POC5: variants seen among roughly 807,000 people sequenced by gnomAD.
POC5 encodes the protein POC5 centriolar protein.
POC5 carries 48 observed loss-of-function variants against 62.9 expected under a neutral mutation model. The ratio of observed to expected loss-of-function variants is 0.76; its 90% CI spans 0.61 to 0.97. POC5 has a LOEUF of 0.97. Among genes scored for constraint, POC5 ranks in the 50% least tolerant of loss-of-function variants. The probability of loss-of-function intolerance (pLI) is 0.00; values close to 1 mark genes in which losing one functional copy is unlikely to be tolerated. For synonymous variants in POC5, 236 were observed against 228.2 expected (o/e 1.03, Z -0.31); for missense variants, 696 against 679.5 (o/e 1.02, Z -0.27).
intron 8 of POC5, chr5:75,689,650 G>C (rs774826615): frequency 2.8e-5 from 28 of 985,302 alleles, no homozygotes; most frequent in Non-Finnish European, 3.4e-5. Flanking sequence ...CAAACCTCAG[G>C]GGACTGCATT....
chr5:75,683,538 T>A (rs905232179), intron 10 of POC5, among the ~76,000 whole-genome samples: 3 of 152,080 alleles, frequency 2.0e-5, no homozygotes, highest in African/African-American at 4.8e-5. Flanking sequence ...TGGCTTTTTT[T>A]AAACTGACTA....
At chr5:75,678,164 A>G (rs1245453505) in intron 10 of POC5, among the ~76,000 whole-genome samples, 3 of 152,184 alleles carry the variant, frequency 2.0e-5, no homozygotes, top group African/African-American at 4.8e-5. Context: ...CAACGATTTT[A>G]TAAGATTTTA....
intron 10 of POC5, among the ~76,000 whole-genome samples, chr5:75,684,296 C>G (rs1372320491): frequency 2.1e-5 from 3 of 144,382 alleles, no homozygotes; most frequent in Non-Finnish European, 3.0e-5. Context: ...TGAAAACACC[C>G]AATAGTGTTC....
At chr5:75,712,729 A>G in intron 2 of POC5, 125 bp downstream of exon 2, 1 of 788,622 alleles carries the variant, frequency 1.3e-6, no homozygotes, top group East Asian at 2.7e-5. Flanking sequence ...GAAGTTTGAT[A>G]TTATTATAAA....
In POC5 at chr5:75,705,703, C is replaced by A; in HGVS notation, c.307+1G>T. ...ACAAATAAGCTAAAGAAAAATCATACCATCTGTCTTTGAATGACTTGAAAT... is the reference window on the plus strand; with the variant it reads ...ACAAATAAGCTAAAGAAAAATCATAACATCTGTCTTTGAATGACTTGAAAT... On this transcript the variant is annotated splice_donor_variant, in intron 4 of 11. Transcript: ENST00000428202. LOFTEE classifies it high-confidence loss of function. 1 of 1,509,170 alleles carries A rather than the reference C, an allele frequency of 6.6e-7. No homozygotes were observed. The highest frequency in any genetic ancestry group is 8.9e-7 in the Non-Finnish European group (1 of 1,125,332). The allele number at this position is 1,509,170 out of a possible 1,614,324, so 93.5% of individuals were successfully genotyped here. A position where few individuals can be genotyped will look rare whatever the true frequency, so the allele number is the denominator to read the frequency against.
At chr5:75,703,551 G>A (rs1014643638) in intron 4 of POC5, among the ~76,000 whole-genome samples, 6 of 152,018 alleles carry the variant, frequency 3.9e-5, no homozygotes, top group Admixed American at 3.9e-4. Flanking sequence ...GCTTGAACCA[G>A]GGAGGCAGAG....
intron 10 of POC5, among the ~76,000 whole-genome samples, chr5:75,678,858 C>T (rs1280783720): frequency 1.3e-5 from 2 of 152,126 alleles, no homozygotes; most frequent in African/African-American, 4.8e-5. Flanking sequence ...AAAATATTTA[C>T]AGCAGGAATA....
In POC5 at chr5:75,685,367, AGTG is replaced by A; in HGVS notation, c.1244_1246del (p.Pro415del). On this transcript the variant is annotated inframe_deletion, in exon 10 of 12. Transcript: ENST00000428202. ...GACGGCGGCTGGTGGGGATGGCAGCAGTGGTGATGTAACTGGTAAGGGCATCGG... is the reference window on the plus strand; with the variant it reads ...GACGGCGGCTGGTGGGGATGGCAGCAGTGATGTAACTGGTAAGGGCATCGG... 1.2e-6 allele frequency: 2 copies of A among 1,614,034 alleles called. No individual in the cohort carries two copies. The highest frequency in any genetic ancestry group is 1.1e-5 in the South Asian group (1 of 91,084).
rs760207558 is a variant in POC5 at position 75,707,960 on chromosome 5, A to T, written c.85-85T>A. On this transcript the variant is annotated intron_variant, in intron 2 of 11. Coordinates refer to ENST00000428202, the MANE Select transcript of POC5 (RefSeq NM_001099271.2). ...ACTGAATTTGTTTTAAAGAAATTTA[A>T]TTACCATAATAGAGTCCCATGCTTA... is the stretch of plus-strand genomic sequence containing the variant. 2.4e-6 allele frequency: 3 copies of T among 1,245,688 alleles called. No homozygotes were observed. The African/African-American group carries it at 4.6e-5, about 19-fold the overall frequency. The allele number at this position is 1,245,688 out of a possible 1,614,324, so 77.2% of individuals were successfully genotyped here.
At chr5:75,695,634 C>T (rs1776533862) in intron 5 of POC5, among the ~76,000 whole-genome samples, 1 of 152,014 alleles carries the variant, frequency 6.6e-6, no homozygotes, top group South Asian at 2.1e-4. Context: ...GAAAAACTGT[C>T]ATTTTCTCCA....
intron 5 of POC5, among the ~76,000 whole-genome samples, chr5:75,697,683 ATTGATCCTGT>A (rs1776671509): frequency 1.3e-5 from 2 of 152,072 alleles, no homozygotes; most frequent in Admixed American, 6.6e-5. Flanking sequence ...TCATAATGTC[ATTGATCCTGT>A]CAGGATCAAA....
chr5:75,685,774 T>G (rs1776077148), intron 9 of POC5, among the ~76,000 whole-genome samples: 1 of 152,192 alleles, frequency 6.6e-6, no homozygotes, highest in East Asian at 1.9e-4. Flanking sequence ...GGACCTTAGC[T>G]AAGTAGAGTA....
chr5:75,707,785 C>T lies in POC5; in HGVS notation c.175G>A (p.Val59Met), dbSNP rs1175962036. 3.8e-6 allele frequency: 6 copies of T among 1,572,834 alleles called. No homozygotes were observed. The South Asian group carries it at 5.8e-5, about 15-fold the overall frequency. The change falls in exon 3 of 12, where the codon GTG becomes ATG. Residue 59 changes from valine (V) to methionine (M), a missense_variant. Coordinates refer to ENST00000428202, the MANE Select transcript of POC5 (RefSeq NM_001099271.2). ...ATTGTAGAAATTCTGACATCTGGCA[C>T]CAATTCTCCCTTAGGATGAGATGAC... The part of the protein sequence containing the change: ...SQSSHPKGEL[V>M]PDVRISTIHD...
intron 6 of POC5, among the ~76,000 whole-genome samples, chr5:75,694,361 T>A (rs554295718): frequency 2.0e-5 from 3 of 152,300 alleles, no homozygotes; most frequent in South Asian, 2.1e-4. Flanking sequence ...AAATTTTTTT[T>A]AAATTGACAA....
intron 4 of POC5, 47 bp from the exon 5 acceptor site, chr5:75,702,857 T>C: frequency 7.0e-7 from 1 of 1,437,698 alleles, no homozygotes; most frequent in Non-Finnish European, 9.5e-7. Flanking sequence ...TGAAAATAAC[T>C]CAAGTTGGTA....
At chr5:75,691,055 A>T (rs530236701) in intron 7 of POC5, among the ~76,000 whole-genome samples, 1 of 152,358 alleles carries the variant, frequency 6.6e-6, no homozygotes, top group African/African-American at 2.4e-5. Context: ...CAATCCAAAT[A>T]AAAACTTATG....
At chr5:75,705,535 G>T (rs942042178) in intron 4 of POC5, 169 bp downstream of exon 4, 1 of 511,028 alleles carries the variant, frequency 2.0e-6, no homozygotes. Flanking sequence ...TACTATTTTG[G>T]TATCTTATCA....
chr5:75,685,439 A>G lies in POC5; in HGVS notation c.1175T>C (p.Val392Ala). 1 of 1,613,766 alleles carries G rather than the reference A, an allele frequency of 6.2e-7. No individual in the cohort carries two copies. Among genetic ancestry groups the G allele is most frequent in the Non-Finnish European group, 8.5e-7 (1 of 1,179,706 alleles). Residue 392 changes from valine (V) to alanine (A), a missense_variant, in exon 10 of 12, where the codon GTT (valine) becomes GCT (alanine). Val to Ala is a moderately conservative substitution (Grantham distance 64). Coordinates refer to ENST00000428202, the MANE Select transcript of POC5 (RefSeq NM_001099271.2). ...NNKKEEYGPGVQGKEHSAHLD... is the reference protein window; with the variant it reads ...NNKKEEYGPGAQGKEHSAHLD... ...ATGAGCAGAATGTTCTTTTCCTTGAACACCAGGACCATACTCTTCCTTTTT... is the reference window on the plus strand; with the variant it reads ...ATGAGCAGAATGTTCTTTTCCTTGAGCACCAGGACCATACTCTTCCTTTTT...
chr5:75,682,089 G>C (rs1214705088), intron 10 of POC5, among the ~76,000 whole-genome samples: 2 of 152,242 alleles, frequency 1.3e-5, no homozygotes, highest in Non-Finnish European at 2.9e-5. Context: ...GAAATGGAGT[G>C]TGTATCTGTT....
Sources: gnomAD v4.1 joint callset for allele counts (sites outside exome capture counted in the v4.1 genomes callset) on GRCh38, gnomAD v4.1.1 for gene constraint, MANE v1.5 for transcripts, NCBI Gene and HGNC (gene_info 2026-07-23, HGNC 2026-07-21) for gene names.